CORO1C: variants seen among roughly 807,000 people sequenced by gnomAD.
CORO1C encodes the protein coronin 1C, also known as coronin-1C.
In CORO1C, 14 loss-of-function variants were observed where a neutral mutation model predicts 51.2. The ratio of observed to expected loss-of-function variants is 0.27; its 90% CI spans 0.18 to 0.43. CORO1C has a LOEUF of 0.43. CORO1C is among the 20% of genes least tolerant of loss of function. The pLI is 1.00. For synonymous variants in CORO1C, 181 were observed against 210.5 expected (o/e 0.86, Z 1.21); for missense variants, 417 against 607.8 (o/e 0.69, Z 3.30).
At chr12:108,687,995 C>A (rs1260491197) in intron 2 of CORO1C, among the ~76,000 whole-genome samples, 1 of 151,006 alleles carries the variant, frequency 6.6e-6, no homozygotes, top group Admixed American at 6.6e-5. Context: ...TCTCAGCTCA[C>A]TGCATGCAAC....
At chr12:108,697,245 C>A (rs1030488664) in intron 2 of CORO1C, among the ~76,000 whole-genome samples, 1 of 152,134 alleles carries the variant, frequency 6.6e-6, no homozygotes, top group Non-Finnish European at 1.5e-5. Flanking sequence ...TTAATTCCAA[C>A]GTGTACATAT....
intron 1 of CORO1C, among the ~76,000 whole-genome samples, chr12:108,711,830 A>G (rs1030784044): frequency 6.6e-6 from 1 of 152,186 alleles, no homozygotes; most frequent in Admixed American, 6.5e-5. Context: ...CATTTTCTCT[A>G]TTCTACTTCC....
intron 2 of CORO1C, chr12:108,696,349 C>G (rs1035616552): frequency 1.1e-4 from 17 of 151,850 alleles, no homozygotes; most frequent in Admixed American, 1.1e-3. Context: ...ACCGATTCCT[C>G]CCCCTCTTAC....
At chr12:108,679,109 C>CAAAAAAAAAAAAAAAAAAAAAAAACA (rs1183326267) in intron 2 of CORO1C, among the ~76,000 whole-genome samples, 3 of 22,060 alleles carry the variant, frequency 1.4e-4, no homozygotes, top group Non-Finnish European at 2.0e-4. Context: ...GACTCTGTCT[C>CAAAAAAAAAAAAAAAAAAAAAAAACA]AAAAAAAAAA....
intron 3 of CORO1C, among the ~76,000 whole-genome samples, chr12:108,670,380 G>A (rs2033671389): frequency 6.6e-6 from 1 of 152,132 alleles, no homozygotes; most frequent in South Asian, 2.1e-4. Context: ...GTCTGAAGAG[G>A]CAGGCACAAT....
At chr12:108,690,610 A>G (rs1309411225) in intron 2 of CORO1C, among the ~76,000 whole-genome samples, 1 of 152,190 alleles carries the variant, frequency 6.6e-6, no homozygotes, top group Non-Finnish European at 1.5e-5. Context: ...TCCTTACTCA[A>G]CCTTGCCCAA....
In CORO1C at chr12:108,648,990, T is replaced by C; in HGVS notation, c.1032A>G (p.Glu344=). 5 of 1,614,164 alleles carry C rather than the reference T, an allele frequency of 3.1e-6. No individual in the cohort carries two copies. Among genetic ancestry groups the C allele is most frequent in the Non-Finnish European group, 4.2e-6 (5 of 1,180,034 alleles). ...RFFKLHERKC[E]PIIMTVPRKS... is the part of the protein sequence containing the mutation. ...TCCTGGGAACAGTCATAATAATAGG[T>C]TCACACTTTCTCTCATGAAGTTTGA... Residue 344 remains glutamate, a synonymous_variant, in exon 9 of 11, where the codon GAA becomes GAG. Coordinates refer to ENST00000261401, the MANE Select transcript of CORO1C (RefSeq NM_014325.4).
rs1156595620 is a variant in CORO1C, at chr12:108,702,817, G to A, written c.-5-1494C>T. On this transcript the variant is annotated intron_variant, in intron 1 of 10. Transcript: ENST00000261401. Reference sequence around the variant, plus strand: ...TTACCCTTCCAACGCATGTGTGAAAGTGGCCTCTCTCCAATGCTGGGGGCA... The same window carrying A: ...TTACCCTTCCAACGCATGTGTGAAAATGGCCTCTCTCCAATGCTGGGGGCA... 5 of 1,531,200 alleles carry A rather than the reference G, an allele frequency of 3.3e-6. No individual in the cohort carries two copies. The African/African-American group carries it at 5.5e-5, about 17-fold the overall frequency. 94.9% of individuals were successfully genotyped at this position (1,531,200 alleles called of 1,614,324 possible).
intron 1 of CORO1C, among the ~76,000 whole-genome samples, chr12:108,712,913 TAAAAA>T (rs142742201): frequency 1.6e-5 from 2 of 128,070 alleles, no homozygotes; most frequent in African/African-American, 2.9e-5. Flanking sequence ...CATGTCTCTT[TAAAAA>T]AAAAAAAAAA....
chr12:108,697,256 T>G (rs2136860547), intron 2 of CORO1C, among the ~76,000 whole-genome samples: 1 of 152,228 alleles, frequency 6.6e-6, no homozygotes, highest in Middle Eastern at 3.4e-3. Flanking sequence ...GTGTACATAT[T>G]CAGTATTATT....
chr12:108,700,443 T>C (rs548902876), intron 2 of CORO1C, among the ~76,000 whole-genome samples: 1 of 152,290 alleles, frequency 6.6e-6, no homozygotes, highest in East Asian at 1.9e-4. Flanking sequence ...ATCTCCCACC[T>C]TGGAGCAGGC....
At chr12:108,691,767 T>G (rs1484991782) in intron 2 of CORO1C, among the ~76,000 whole-genome samples, 1 of 152,120 alleles carries the variant, frequency 6.6e-6, no homozygotes, top group Admixed American at 6.5e-5. Flanking sequence ...GCTGTGGACA[T>G]ATCAGTGAAC....
chr12:108,703,707 C>T (rs1315119287), intron 1 of CORO1C, among the ~76,000 whole-genome samples: 5 of 152,200 alleles, frequency 3.3e-5, no homozygotes, highest in African/African-American at 1.2e-4. Context: ...ACACCCAGAT[C>T]CCAGGGCTGC....
chr12:108,726,540 T>C (rs1197087507), intron 1 of CORO1C, among the ~76,000 whole-genome samples: 1 of 151,524 alleles, frequency 6.6e-6, no homozygotes. Context: ...CTGGGCATGG[T>C]GCATCACGCC....
At chr12:108,717,969 G>T (rs895042916) in intron 1 of CORO1C, among the ~76,000 whole-genome samples, 17 of 152,290 alleles carry the variant, frequency 1.1e-4, no homozygotes, top group African/African-American at 3.9e-4. Context: ...TGTAATCCCA[G>T]CACTTTGGGA....
At chr12:108,679,765 G>C (rs1391808026) in intron 2 of CORO1C, among the ~76,000 whole-genome samples, 1 of 152,116 alleles carries the variant, frequency 6.6e-6, no homozygotes, top group Admixed American at 6.5e-5. Flanking sequence ...GACAGGTAAG[G>C]GTTCAAATCC....
At chr12:108,705,304 C>T (rs539503129) in intron 1 of CORO1C, among the ~76,000 whole-genome samples, 2 of 151,950 alleles carry the variant, frequency 1.3e-5, no homozygotes, top group South Asian at 2.1e-4. Context: ...CATGGTGAAA[C>T]CCAGTCTCTA....
At chr12:108,684,874 A>AT (rs968457496) in intron 2 of CORO1C, among the ~76,000 whole-genome samples, 16 of 151,732 alleles carry the variant, frequency 1.1e-4, no homozygotes, top group African/African-American at 3.9e-4. Flanking sequence ...TTGCATTAAA[A>AT]TTTTTTTTTA....
chr12:108,658,919 C>T lies in CORO1C; in HGVS notation c.449G>A (p.Gly150Asp). 1 of 1,601,046 alleles carries T rather than the reference C, an allele frequency of 6.2e-7. No homozygotes were observed. The highest frequency in any genetic ancestry group is 8.6e-7 in the Non-Finnish European group (1 of 1,168,902). Residue 150 changes from glycine to aspartate, a missense_variant and splice_region_variant, in exon 5 of 11, where the codon GGC becomes GAC. Coordinates refer to ENST00000261401, the MANE Select transcript of CORO1C (RefSeq NM_014325.4). This position sits in a 1 kb window ranked among gnomAD's most constrained non-coding sequence, Gnocchi z 4.9. ...PTARNVLLSAGCDNAIIIWNV... is the reference protein window; with the variant it reads ...PTARNVLLSADCDNAIIIWNV... ...CCAGATGATAATGGCATTATCACAG[C>T]CTAAAACAGGCAAAACCATCAGAGA...
Sources: allele counts gnomAD v4.1 joint callset (sites outside exome capture counted in the v4.1 genomes callset), GRCh38; gene constraint gnomAD v4.1.1; non-coding constraint Gnocchi (gnomAD v3.1); transcripts MANE v1.5; gene names NCBI Gene and HGNC (gene_info 2026-07-23, HGNC 2026-07-21).